The following GRB14 variants were observed in gnomAD, a reference collection of about 807,000 sequenced individuals.
The protein encoded by GRB14 is growth factor receptor bound protein 14.
A neutral mutation model predicts 69.1 loss-of-function variants in GRB14; 38 were observed. That is an observed-to-expected ratio of 0.55 (90% CI 0.42 to 0.72). GRB14 has a LOEUF of 0.72. Among genes scored for constraint, GRB14 ranks in the 30% least tolerant of loss-of-function variants. GRB14 has a pLI of 0.00. For missense variants in GRB14, 666 were observed against 666.1 expected, an observed-to-expected ratio of 1.00 and a Z score of 0.00; for synonymous variants, 247 against 241.3, an observed-to-expected ratio of 1.02 and a Z score of -0.22.
intron 2 of GRB14, among the ~76,000 whole-genome samples, chr2:164,583,131 C>A (rs1353714636): frequency 6.6e-6 from 1 of 152,214 alleles, no homozygotes; most frequent in Non-Finnish European, 1.5e-5. Context: ...AACCTCTTCT[C>A]TCAACTTTCC....
intron 6 of GRB14, among the ~76,000 whole-genome samples, chr2:164,515,336 C>G (rs1203196565): frequency 6.6e-6 from 1 of 152,220 alleles, no homozygotes; most frequent in Non-Finnish European, 1.5e-5. Flanking sequence ...TTCACTGGAG[C>G]AGCTGCTGGT....
intron 2 of GRB14, among the ~76,000 whole-genome samples, chr2:164,554,514 C>T (rs1688628937): frequency 6.6e-6 from 1 of 152,114 alleles, no homozygotes; most frequent in South Asian, 2.1e-4. Context: ...TTATCTATAA[C>T]AACCCACCAG....
rs772735938 is a variant in GRB14, at chr2:164,527,090, T to C, written c.527A>G (p.Asn176Ser). 1.3e-6 allele frequency: 2 copies of C among 1,580,880 alleles called. No individual in the cohort carries two copies. The highest frequency in any genetic ancestry group is 1.7e-6 in the Non-Finnish European group (2 of 1,153,698). The change falls in exon 4 of 14, where the codon AAC becomes AGC. Residue 176 changes from asparagine to serine, a missense_variant. Transcript: ENST00000263915. ...TTTGTTTTCTTCTTCTATCCCCCAGTTGGATAGCACTTCAATCACCAGTTC... is the reference window on the plus strand; with the variant it reads ...TTTGTTTTCTTCTTCTATCCCCCAGCTGGATAGCACTTCAATCACCAGTTC... Reference protein sequence around the residue: ...DHELVIEVLSNWGIEEENKLY... With the variant: ...DHELVIEVLSSWGIEEENKLY...
chr2:164,497,062 T>G lies in GRB14; in HGVS notation c.1328A>C (p.Lys443Thr). 6.2e-7 allele frequency: 1 copy of G among 1,613,942 alleles called. No homozygotes were observed. The highest frequency in any genetic ancestry group is 8.5e-7 in the Non-Finnish European group (1 of 1,179,878). Residue 443 changes from lysine to threonine, a missense_variant, in exon 12 of 14, where the codon AAA becomes ACA. Lys to Thr is a moderately conservative substitution (Grantham distance 78, BLOSUM62 -1). Coordinates refer to ENST00000263915, the MANE Select transcript of GRB14 (RefSeq NM_004490.3). Reference protein sequence around the residue: ...IHRSQPWFHHKISRDEAQRLI... With the variant: ...IHRSQPWFHHTISRDEAQRLI... ...TCGCTGAGCCTCATCTCTAGAAATT[T>G]TGTGGTGAAACCATGGCTGGGACCG...
intron 2 of GRB14, among the ~76,000 whole-genome samples, chr2:164,571,391 C>T (rs1689119178): frequency 6.6e-6 from 1 of 152,116 alleles, no homozygotes; most frequent in Admixed American, 6.5e-5. Context: ...CTTAAACTCC[C>T]GCTGCAGAGA....
At position 164,492,946 on chromosome 2, in the gene GRB14, A is replaced by G. The variant is rs1686793949; in HGVS notation, c.*90T>C. The G allele has an allele frequency of 1.7e-6, 2 of 1,200,664 alleles. No homozygotes were observed. The highest frequency in any genetic ancestry group is 2.5e-5 in the Admixed American group (1 of 40,104). 74.4% of individuals were successfully genotyped at this position (1,200,664 alleles called of 1,614,324 possible). A position where few individuals can be genotyped will look rare whatever the true frequency, so the allele number is the denominator to read the frequency against. On this transcript the variant is annotated 3_prime_UTR_variant, in exon 14 of 14. Transcript: ENST00000263915. ...TGCAGGTGAAATACATTCTTTTCACATGGTAATGTTTTCGCCCTTATTTAT... is the reference window on the plus strand; with the variant it reads ...TGCAGGTGAAATACATTCTTTTCACGTGGTAATGTTTTCGCCCTTATTTAT...
At chr2:164,619,004 T>C (rs531738671) in intron 2 of GRB14, among the ~76,000 whole-genome samples, 1 of 152,322 alleles carries the variant, frequency 6.6e-6, no homozygotes, top group African/African-American at 2.4e-5. Flanking sequence ...TTTTTTCCCC[T>C]CCAAATGTAC....
chr2:164,597,732 AAGG>A (rs1307135991), intron 2 of GRB14, among the ~76,000 whole-genome samples: 3 of 151,988 alleles, frequency 2.0e-5, no homozygotes, highest in Non-Finnish European at 4.4e-5. Flanking sequence ...AGAGAGGAAG[AAGG>A]AGGAGGAGAA....
chr2:164,513,335 G>A (rs1365782371), intron 6 of GRB14, among the ~76,000 whole-genome samples: 1 of 152,032 alleles, frequency 6.6e-6, no homozygotes, highest in Non-Finnish European at 1.5e-5. Flanking sequence ...CTAATACCAG[G>A]AAATTATAAA....
At chr2:164,618,263 C>T (rs578029849) in intron 2 of GRB14, among the ~76,000 whole-genome samples, 2 of 150,796 alleles carry the variant, frequency 1.3e-5, no homozygotes, top group African/African-American at 2.4e-5. Context: ...CGTGAGCCAC[C>T]GCACCCGGCC....
At chr2:164,578,267 T>C (rs909843075) in intron 2 of GRB14, among the ~76,000 whole-genome samples, 4 of 152,048 alleles carry the variant, frequency 2.6e-5, no homozygotes, top group African/African-American at 9.7e-5. Flanking sequence ...TTAATAATCT[T>C]GTAATATGAA....
Position 164,493,014 on chromosome 2 carries a change from T to C in GRB14, c.*22A>G, listed in dbSNP as rs773781582. On this transcript the variant is annotated 3_prime_UTR_variant, in exon 14 of 14. Coordinates refer to ENST00000263915, the MANE Select transcript of GRB14 (RefSeq NM_004490.3). ...CTTGAGTCCTTTTCCTTCAATAGTT[T>C]AATAAGTCACTTCTGGCTTGTCTAG... is the stretch of plus-strand genomic sequence containing the variant. 1.9e-6 allele frequency: 3 copies of C among 1,597,838 alleles called. No homozygotes were observed. In the South Asian group the frequency reaches 3.4e-5, roughly 18 times the overall value.
rs780966195 is a variant in GRB14 at position 164,494,563 on chromosome 2, C to G, written c.1383-39G>C. On this transcript the variant is annotated intron_variant, in intron 12 of 13. Transcript: ENST00000263915. ...AGGAATTTCAATGTTTCTATATTTA[C>G]TCATGGATTTCATAGAACTATAGCA... The G allele has an allele frequency of 8.8e-6, 9 of 1,026,126 alleles. No individual in the cohort carries two copies. In the East Asian group the frequency reaches 1.9e-4, roughly 22 times the overall value. 63.6% of individuals were successfully genotyped at this position (1,026,126 alleles called of 1,614,324 possible).
chr2:164,551,636 G>A (rs1688540961), intron 2 of GRB14, among the ~76,000 whole-genome samples: 1 of 152,138 alleles, frequency 6.6e-6, no homozygotes, highest in Non-Finnish European at 1.5e-5. Context: ...CTACCTGGAA[G>A]AAATTTCAGT....
chr2:164,528,256 T>C (rs915414593), intron 3 of GRB14, among the ~76,000 whole-genome samples: 7 of 152,094 alleles, frequency 4.6e-5, no homozygotes, highest in East Asian at 1.9e-4. Context: ...TGAGAGTCCA[T>C]TGAGTTGTGC....
intron 2 of GRB14, among the ~76,000 whole-genome samples, chr2:164,618,787 A>G (rs1379332830): frequency 2.6e-5 from 4 of 152,208 alleles, no homozygotes; most frequent in African/African-American, 9.7e-5. Context: ...TAAGAAAGAG[A>G]GCAATAGACG....
chr2:164,538,027 G>T (rs1688125471), intron 3 of GRB14, among the ~76,000 whole-genome samples: 1 of 151,988 alleles, frequency 6.6e-6, no homozygotes, highest in Non-Finnish European at 1.5e-5. Flanking sequence ...CGAAGGAGCA[G>T]CTTCCAAGCA....
chr2:164,502,172 A>T, intron 9 of GRB14, 83 bp downstream of exon 9: 1 of 657,328 alleles, frequency 1.5e-6, no homozygotes. Context: ...ATAAATTATT[A>T]TAAGATACTG....
chr2:164,577,732 C>A (rs1689286599), intron 2 of GRB14, among the ~76,000 whole-genome samples: 1 of 152,090 alleles, frequency 6.6e-6, no homozygotes, highest in East Asian at 1.9e-4. Flanking sequence ...CTGACAGACT[C>A]GTGTGTTCGT....
Sources: gnomAD v4.1 joint callset for allele counts (sites outside exome capture counted in the v4.1 genomes callset) on GRCh38, gnomAD v4.1.1 for gene constraint, MANE v1.5 for transcripts, NCBI Gene and HGNC (gene_info 2026-07-23, HGNC 2026-07-21) for gene names.